Variants in CWC22 observed in about 807,000 individuals in gnomAD.
The protein encoded by CWC22 is CWC22 spliceosome associated protein.
Under a neutral mutation model 117.2 loss-of-function variants are expected in CWC22, and 53 were observed. The ratio of observed to expected loss-of-function variants is 0.45; its 90% CI spans 0.36 to 0.57. The LOEUF is 0.57. Ranked by LOEUF, CWC22 falls within the 20% of genes least tolerant of loss-of-function variation. CWC22 has a pLI of 0.00. For missense variants in CWC22, 980 were observed against 1,068.8 expected (o/e 0.92, Z 1.16); for synonymous variants, 360 against 355.6 (o/e 1.01, Z -0.14).
intron 8 of CWC22, among the ~76,000 whole-genome samples, chr2:179,971,911 G>T (rs1687044564): frequency 6.6e-6 from 1 of 152,070 alleles, no homozygotes; most frequent in Non-Finnish European, 1.5e-5. Flanking sequence ...GGGGAGGAGG[G>T]GTGTCAAACA....
intron 13 of CWC22, among the ~76,000 whole-genome samples, chr2:179,960,794 T>C (rs1559287455): frequency 6.6e-6 from 1 of 152,052 alleles, no homozygotes. Flanking sequence ...TGAAAAGTCA[T>C]TTCTTGAAAT....
intron 14 of CWC22, among the ~76,000 whole-genome samples, chr2:179,958,663 C>A (rs1418216700): frequency 6.6e-6 from 1 of 151,776 alleles, no homozygotes; most frequent in Non-Finnish European, 1.5e-5. Context: ...AGATTGGATA[C>A]CCCTGCAGTG....
At chr2:179,963,405 C>G (rs2105520078) in intron 13 of CWC22, among the ~76,000 whole-genome samples, 2 of 131,130 alleles carry the variant, frequency 1.5e-5, no homozygotes, top group South Asian at 5.0e-4. Flanking sequence ...TGCAGTGGCG[C>G]CATCTCGGCT....
In CWC22 at chr2:179,955,043, G is replaced by GA. The variant is rs543228207; in HGVS notation, c.1459-10dup. ...ATGTTGCAGAGTTCTTTCTATTTGG[G>GA]AAAAAAAATACATTAATGATTCAAA... On this transcript the variant is annotated splice_polypyrimidine_tract_variant and intron_variant, in intron 14 of 19. Coordinates refer to ENST00000410053, the MANE Select transcript of CWC22 (RefSeq NM_020943.3). 2.9e-4 allele frequency: 446 copies of GA among 1,561,602 alleles called. 4 individuals carry two copies. The African/African-American group carries it at 4.2e-3, about 15-fold the overall frequency.
In CWC22 at chr2:179,945,554, T is replaced by C. The variant is rs760911893; in HGVS notation, c.2302A>G (p.Arg768Gly). 6.2e-7 allele frequency: 1 copy of C among 1,613,176 alleles called. No individual in the cohort carries two copies. The highest frequency in any genetic ancestry group is 2.2e-5 in the East Asian group (1 of 44,806). The change falls in exon 20 of 20, where the codon AGA becomes GGA. Residue 768 changes from arginine (R) to glycine (G), a missense_variant. By Grantham distance (125) the Arg-to-Gly change is moderately radical. This residue lies in a region of CWC22 where 306 missense variants were observed against 296.8 expected (regional missense o/e 1.03). Coordinates refer to ENST00000410053, the MANE Select transcript of CWC22 (RefSeq NM_020943.3). ...TTTGAACCACTTGAATTTTGATCTC[T>C]GTGTTTTTCTGACCTTCTTTCTCTC... ...TERERRSEKHRDQNSSGSNWR... is the reference protein window; with the variant it reads ...TERERRSEKHGDQNSSGSNWR...
chr2:179,956,850 T>C (rs541724344), intron 14 of CWC22, among the ~76,000 whole-genome samples: 106 of 152,102 alleles, frequency 7.0e-4, no homozygotes, highest in African/African-American at 2.0e-3. Context: ...CAACAAAACA[T>C]GGTAATATGC....
chr2:179,990,785 A>G (rs2105552413), intron 2 of CWC22, among the ~76,000 whole-genome samples: 1 of 152,364 alleles, frequency 6.6e-6, no homozygotes, highest in East Asian at 1.9e-4. Context: ...GAAGTTGTGA[A>G]GAAGGATTTC....
chr2:179,967,313 T>C (rs1227537027), intron 11 of CWC22, among the ~76,000 whole-genome samples: 1 of 152,192 alleles, frequency 6.6e-6, no homozygotes, highest in Admixed American at 6.5e-5. Flanking sequence ...TTCTCATCTC[T>C]CCACTTTAGA....
chr2:179,954,913 C>T, intron 15 of CWC22, 44 bp downstream of exon 15: 1 of 1,096,730 alleles, frequency 9.1e-7, no homozygotes, highest in Non-Finnish European at 1.4e-6. Flanking sequence ...CATTAATTTA[C>T]AATATTCGTT....
chr2:179,951,420 G>A (rs1015206393), intron 17 of CWC22, among the ~76,000 whole-genome samples: 2 of 147,618 alleles, frequency 1.4e-5, no homozygotes, highest in African/African-American at 4.9e-5. Context: ...TATATATGGA[G>A]TGAGACAACC....
chr2:179,965,460 A>G (rs1686865321), intron 12 of CWC22, among the ~76,000 whole-genome samples: 1 of 152,176 alleles, frequency 6.6e-6, no homozygotes, highest in Non-Finnish European at 1.5e-5. Context: ...TCTTCACTCT[A>G]TTTTGCCAAA....
intron 13 of CWC22, among the ~76,000 whole-genome samples, 199 bp from the exon 14 acceptor site, chr2:179,959,281 A>G (rs1686685992): frequency 6.6e-6 from 1 of 152,188 alleles, no homozygotes; most frequent in Admixed American, 6.5e-5. Flanking sequence ...GAATCCTTGA[A>G]TTATGCTAAG....
chr2:179,977,248 A>G (rs1361873764), intron 6 of CWC22, among the ~76,000 whole-genome samples: 2 of 152,232 alleles, frequency 1.3e-5, no homozygotes, highest in African/African-American at 4.8e-5. Flanking sequence ...AGAAAATGAG[A>G]TCAGTATGTT....
At chr2:179,953,215 C>A (rs79018483) in intron 16 of CWC22, among the ~76,000 whole-genome samples, 3,288 of 152,070 alleles carry the variant, frequency 0.022, 124 homozygotes, top group African/African-American at 0.075. Flanking sequence ...AAAATTATTA[C>A]AATTAGTCTC....
chr2:179,982,036 T>C (rs1189952285), intron 4 of CWC22, 39 bp from the exon 5 acceptor site: 6 of 1,102,168 alleles, frequency 5.4e-6, no homozygotes, highest in African/African-American at 1.6e-5. Flanking sequence ...AAAGACAATA[T>C]AAAACACACT....
At chr2:179,953,344 A>G (rs1686503501) in intron 16 of CWC22, among the ~76,000 whole-genome samples, 1 of 152,116 alleles carries the variant, frequency 6.6e-6, no homozygotes, top group Non-Finnish European at 1.5e-5. Flanking sequence ...CATTAGTAGG[A>G]TGGCATTCTA....
chr2:179,972,780 G>A (rs2105530157), intron 8 of CWC22, among the ~76,000 whole-genome samples: 1 of 152,190 alleles, frequency 6.6e-6, no homozygotes, highest in Admixed American at 6.5e-5. Flanking sequence ...GGCCGAGGCT[G>A]GTGGATCACG....
At chr2:179,994,946 C>T (rs768904953) in intron 1 of CWC22, among the ~76,000 whole-genome samples, 6 of 152,152 alleles carry the variant, frequency 3.9e-5, no homozygotes, top group Non-Finnish European at 8.8e-5. Flanking sequence ...GAAACCCCGT[C>T]TCTACTGAAA....
At chr2:179,960,621 TAA>T (rs1432183369) in intron 13 of CWC22, among the ~76,000 whole-genome samples, 1 of 151,978 alleles carries the variant, frequency 6.6e-6, no homozygotes, top group African/African-American at 2.4e-5. Context: ...AGAGACAATC[TAA>T]TATGACTCTC....
Sources: allele counts gnomAD v4.1 joint callset (sites outside exome capture counted in the v4.1 genomes callset), GRCh38; gene constraint gnomAD v4.1.1; regional missense constraint gnomAD v4.1.1; transcripts MANE v1.5; gene names NCBI Gene and HGNC (gene_info 2026-07-23, HGNC 2026-07-21).